Variants in ABCD3 observed in about 807,000 individuals in gnomAD.
ABCD3 encodes the protein ATP binding cassette subfamily D member 3, also known as ATP-binding cassette sub-family D member 3.
A neutral mutation model predicts 105.5 loss-of-function variants in ABCD3; 41 were observed. The observed-to-expected ratio is 0.39, with a 90% CI of 0.30 to 0.50. ABCD3 has a LOEUF of 0.50. Among genes scored for constraint, ABCD3 ranks in the 20% least tolerant of loss-of-function variants. ABCD3 has a pLI of 0.84. For missense variants in ABCD3, 622 were observed against 806.3 expected, an observed-to-expected ratio of 0.77 and a Z score of 2.77; for synonymous variants, 258 against 269.0, an observed-to-expected ratio of 0.96 and a Z score of 0.40.
the ABCD3 span, among the ~76,000 whole-genome samples, chr1:94,395,313 CA>C: frequency 6.6e-6 from 1 of 152,254 alleles, no homozygotes; most frequent in African/African-American, 2.4e-5. Context: ...AGACATGTGA[CA>C]AGATATAGGA....
Position 94,418,456 on chromosome 1 carries a change from G to A in ABCD3, c.-23G>A. The stretch of plus-strand genomic sequence containing the variant: ...GCCGCCGCCGCCGCGTCCCCTCGCC[G>A]GCTCGCTGGTACCGGCAGTGCCATG... On this transcript the variant is annotated 5_prime_UTR_variant, in exon 1 of 23. Coordinates refer to ENST00000370214, the MANE Select transcript of ABCD3 (RefSeq NM_002858.4). 1 of 1,574,468 alleles carries A rather than the reference G, an allele frequency of 6.4e-7. No homozygotes were observed.
intron 21 of ABCD3, chr1:94,513,466 T>C (rs1376864040): frequency 3.3e-5 from 5 of 152,140 alleles, no homozygotes; most frequent in Admixed American, 1.3e-4. Flanking sequence ...CACTTAAACA[T>C]GTATAAACAT....
intron 1 of ABCD3, among the ~76,000 whole-genome samples, chr1:94,436,921 GTGGTC>G (rs552087573): frequency 1.0e-3 from 154 of 152,320 alleles, no homozygotes; most frequent in African/African-American, 3.6e-3. Flanking sequence ...GAAAGTTTGA[GTGGTC>G]TGGATAGAAG....
intron 1 of ABCD3, among the ~76,000 whole-genome samples, chr1:94,420,919 T>G (rs1209032684): frequency 6.6e-6 from 1 of 152,152 alleles, no homozygotes; most frequent in African/African-American, 2.4e-5. Context: ...TCCCTTAGAA[T>G]TGGATAGGTA....
the ABCD3 span, among the ~76,000 whole-genome samples, chr1:94,386,713 G>T: frequency 1.3e-5 from 2 of 152,190 alleles, no homozygotes; most frequent in African/African-American, 2.4e-5. Flanking sequence ...TAAGCAGTCA[G>T]TTGAGTATTT....
At position 94,489,916 on chromosome 1, in the gene ABCD3, A is replaced by G; in HGVS notation, c.1263A>G (p.Val421=). 1 of 1,613,214 alleles carries G rather than the reference A, an allele frequency of 6.2e-7. No individual in the cohort carries two copies. Among genetic ancestry groups the G allele is most frequent in the Non-Finnish European group, 8.5e-7 (1 of 1,179,310 alleles). ...VSQQEKGIEG[V]QVIPLIPGAG... ...TTTCCATTTAAGGTATTGAAGGAGT[A>G]CAAGTCATTCCCTTGATACCTGGTG... Residue 421 remains valine, a synonymous_variant, in exon 15 of 23, where the codon GTA becomes GTG. Coordinates refer to ENST00000370214, the MANE Select transcript of ABCD3 (RefSeq NM_002858.4).
chr1:94,441,643 G>A (rs1195843862), intron 1 of ABCD3, among the ~76,000 whole-genome samples: 1 of 152,154 alleles, frequency 6.6e-6, no homozygotes, highest in Non-Finnish European at 1.5e-5. Flanking sequence ...TACACACAAT[G>A]GAGTGTTACA....
the ABCD3 span, among the ~76,000 whole-genome samples, chr1:94,409,734 G>A: frequency 6.6e-6 from 1 of 152,338 alleles, no homozygotes; most frequent in South Asian, 2.1e-4. Flanking sequence ...CTGGTGGGTA[G>A]CACATAGTGG....
intron 10 of ABCD3, among the ~76,000 whole-genome samples, chr1:94,485,589 G>T (rs562597647): frequency 6.6e-6 from 1 of 152,084 alleles, no homozygotes; most frequent in Non-Finnish European, 1.5e-5. Context: ...CAGCCCAAAT[G>T]TTAACACCTT....
In ABCD3 at chr1:94,475,620, C is replaced by T. The variant is rs1648703317; in HGVS notation, c.510C>T (p.Phe170=). The change falls in exon 7 of 23, where the codon TTC becomes TTT. Residue 170 remains phenylalanine, a synonymous_variant. Coordinates refer to ENST00000370214, the MANE Select transcript of ABCD3 (RefSeq NM_002858.4). ...TTTCTTCTTGCTATTTTAGAGCTTT[C>T]ACATATTATAAAATGGGGAATCTGG... The part of the protein sequence containing the change: ...KYLYEEYLQA[F]TYYKMGNLDN... 6.2e-7 allele frequency: 1 copy of T among 1,611,366 alleles called. No homozygotes were observed. Among genetic ancestry groups the T allele is most frequent in the Non-Finnish European group, 8.5e-7 (1 of 1,177,990 alleles).
chr1:94,514,120 A>C (rs192408438), intron 21 of ABCD3: 2 of 152,204 alleles, frequency 1.3e-5, no homozygotes, highest in East Asian at 3.9e-4. Flanking sequence ...AATTTCCCAG[A>C]TGCCCTAAGC....
chr1:94,458,681 C>A (rs1392658903), intron 2 of ABCD3, 38 bp downstream of exon 2: 6 of 1,552,790 alleles, frequency 3.9e-6, no homozygotes, highest in Non-Finnish European at 4.4e-6. Context: ...GGATTTCATG[C>A]ATTTATTTCA....
the ABCD3 span, among the ~76,000 whole-genome samples, chr1:94,401,865 G>A: frequency 6.6e-6 from 1 of 152,132 alleles, no homozygotes; most frequent in Non-Finnish European, 1.5e-5. Context: ...TCAGTTTGAT[G>A]AGTTTTGACA....
At chr1:94,513,511 T>C (rs548666856) in intron 21 of ABCD3, 34 of 152,216 alleles carry the variant, frequency 2.2e-4, no homozygotes, top group African/African-American at 8.2e-4. Context: ...TAGAGCTCTT[T>C]TACAGCTACA....
chr1:94,439,453 C>T (rs528109438), intron 1 of ABCD3, among the ~76,000 whole-genome samples: 1 of 152,044 alleles, frequency 6.6e-6, no homozygotes, highest in African/African-American at 2.4e-5. Context: ...ACCAGCCTGG[C>T]CAACATGATG....
intron 10 of ABCD3, among the ~76,000 whole-genome samples, chr1:94,483,623 A>T (rs2101012217): frequency 6.6e-6 from 1 of 152,270 alleles, no homozygotes; most frequent in South Asian, 2.1e-4. Context: ...CCTTCCTTAC[A>T]CCTTATATAA....
At chr1:94,445,870 C>T (rs1228839073) in intron 1 of ABCD3, among the ~76,000 whole-genome samples, 6 of 152,130 alleles carry the variant, frequency 3.9e-5, no homozygotes, top group Non-Finnish European at 1.5e-5. Flanking sequence ...GCTCTGCGAC[C>T]TATTAGAGGG....
chr1:94,397,994 T>C, the ABCD3 span, among the ~76,000 whole-genome samples: 1 of 152,212 alleles, frequency 6.6e-6, no homozygotes, highest in Non-Finnish European at 1.5e-5. Flanking sequence ...TCCATCTACA[T>C]TTATTCTTTG....
chr1:94,404,687 G>A, the ABCD3 span, among the ~76,000 whole-genome samples: 1 of 151,678 alleles, frequency 6.6e-6, no homozygotes, highest in Non-Finnish European at 1.5e-5. Flanking sequence ...ATTGTTATCT[G>A]ATTTTTCATC....
Sources: allele counts gnomAD v4.1 joint callset (sites outside exome capture counted in the v4.1 genomes callset), GRCh38; gene constraint gnomAD v4.1.1; transcripts MANE v1.5; gene names NCBI Gene and HGNC (gene_info 2026-07-23, HGNC 2026-07-21).